The following MCF2 variants were observed in gnomAD, a reference collection of about 807,000 sequenced individuals.
MCF2 encodes the protein proto-oncogene DBL.
Under a neutral mutation model 82.5 loss-of-function variants are expected in MCF2, and 44 were observed. That is an observed-to-expected ratio of 0.53 (90% CI 0.42 to 0.69). MCF2 has a LOEUF of 0.69. Among genes scored for constraint, MCF2 ranks in the 30% least tolerant of loss-of-function variants. The pLI is 0.00. For synonymous variants in MCF2, 217 were observed against 224.9 expected (o/e 0.96, Z 0.32); for missense variants, 623 against 663.1 (o/e 0.94, Z 0.66).
At chrX:139,601,815 G>T (rs1930574212) in intron 16 of MCF2, among the ~76,000 whole-genome samples, 2 of 110,981 alleles carry the variant, frequency 1.8e-5, no homozygotes, top group Admixed American at 1.9e-4. Flanking sequence ...GAAATTCAGA[G>T]AAAATAGAAT....
At chrX:139,692,988 A>G (rs748270914) in intron 1 of MCF2, among the ~76,000 whole-genome samples, 1 of 112,086 alleles carries the variant, frequency 8.9e-6, no homozygotes, top group African/African-American at 3.2e-5. Flanking sequence ...CGCTTTAGAG[A>G]GGACACGAGA....
intron 1 of MCF2, among the ~76,000 whole-genome samples, chrX:139,636,184 G>A (rs1434734045): frequency 9.0e-6 from 1 of 110,900 alleles, no homozygotes; most frequent in African/African-American, 3.3e-5. Flanking sequence ...AATCTGACAG[G>A]GACTTGTGGG....
intron 1 of MCF2, among the ~76,000 whole-genome samples, chrX:139,639,305 T>TA (rs1177319179): frequency 1.8e-5 from 2 of 112,071 alleles, no homozygotes; most frequent in Non-Finnish European, 3.8e-5. Flanking sequence ...TTTGCTTTTT[T>TA]AAAAAAATAG....
intron 1 of MCF2, among the ~76,000 whole-genome samples, chrX:139,658,609 G>C (rs1338561189): frequency 9.2e-6 from 1 of 108,776 alleles, no homozygotes; most frequent in Admixed American, 9.8e-5. Flanking sequence ...TACAAATAGA[G>C]GGTCAAAATT....
intron 1 of MCF2, among the ~76,000 whole-genome samples, chrX:139,635,102 T>TA (rs1933126501): frequency 9.0e-6 from 1 of 110,815 alleles, no homozygotes; most frequent in Non-Finnish European, 1.9e-5. Flanking sequence ...AAAACATAAG[T>TA]ATGAACATTT....
chrX:139,673,783 G>T (rs2148556096), intron 1 of MCF2, among the ~76,000 whole-genome samples: 1 of 112,020 alleles, frequency 8.9e-6, no homozygotes, highest in East Asian at 2.8e-4. Context: ...TGTGAAGAAT[G>T]TATATTCTGT....
intron 9 of MCF2, among the ~76,000 whole-genome samples, chrX:139,615,581 A>AATCACT (rs1931836196): frequency 8.9e-6 from 1 of 111,789 alleles, no homozygotes; most frequent in African/African-American, 3.2e-5. Flanking sequence ...GCTTCCAGAG[A>AATCACT]ATCACTTGGC....
intron 1 of MCF2, among the ~76,000 whole-genome samples, chrX:139,689,696 A>T (rs974469441): frequency 1.9e-5 from 2 of 107,906 alleles, no homozygotes; most frequent in East Asian, 5.9e-4. Flanking sequence ...TATCCCTACC[A>T]CGTTCAATCC....
At chrX:139,645,806 T>C, upstream of MCF2, 1 of 431,172 alleles carries the variant, frequency 2.3e-6, no homozygotes, top group Non-Finnish European at 4.1e-6. Context: ...CAAAGTCCTA[T>C]CTTAGAAAAC....
Position 139,615,053 on chromosome X carries a change from C to A in MCF2, c.1192-1G>T, listed in dbSNP as rs1231074946. 8.4e-7 allele frequency: 1 copy of A among 1,190,328 alleles called. No individual in the cohort carries two copies. Among genetic ancestry groups the A allele is most frequent in the East Asian group, 3.0e-5 (1 of 33,647 alleles). The stretch of plus-strand genomic sequence containing the variant: ...TGAGTTGTATAGTCTTCATTTGAAC[C>A]TGCGAGTTGTATAAGAATTATAGGA... On this transcript the variant is annotated splice_acceptor_variant, in intron 9 of 24. Coordinates refer to ENST00000370576, the Ensembl canonical transcript of MCF2. LOFTEE classifies it high-confidence loss of function.
At chrX:139,594,960 A>C (rs1233339984) in intron 19 of MCF2, among the ~76,000 whole-genome samples, 1 of 111,430 alleles carries the variant, frequency 9.0e-6, no homozygotes, top group African/African-American at 3.3e-5. Context: ...TATGCAGCCA[A>C]AAAACACATG....
At chrX:139,670,545 G>A (rs61266704) in intron 1 of MCF2, among the ~76,000 whole-genome samples, 18,782 of 109,335 alleles carry the variant, frequency 0.17, 1,248 homozygotes, top group South Asian at 0.26. Flanking sequence ...TCCCACCTAT[G>A]GGTCAGAACA....
At chrX:139,701,492 C>T (rs1161641522) in intron 1 of MCF2, among the ~76,000 whole-genome samples, 1 of 112,162 alleles carries the variant, frequency 8.9e-6, no homozygotes, top group Non-Finnish European at 1.9e-5. Flanking sequence ...TAAAATTTCC[C>T]TGAAGGAGAA....
rs760043795 is a variant in MCF2, at chrX:139,607,755, C to T, written c.1426G>A (p.Glu476Lys). The change falls in exon 12 of 25, where the codon GAG (glutamate) becomes AAG (lysine). Residue 476 changes from glutamate (E) to lysine (K), a missense_variant. Physicochemically the swap from Glu to Lys is moderately conservative, Grantham distance 56. Coordinates refer to ENST00000370576, the Ensembl canonical transcript of MCF2. The stretch of plus-strand genomic sequence containing the variant: ...GAGGATGGACCAGAACTTCTCTTCT[C>T]CTGACAATCAGGCACCACTTCAATC... 3 of 1,202,410 alleles carry T rather than the reference C, an allele frequency of 2.5e-6. No individual in the cohort carries two copies. Among genetic ancestry groups the T allele is most frequent in the Admixed American group, 4.4e-5 (2 of 45,785 alleles).
chrX:139,624,596 T>C (rs1346115052), intron 6 of MCF2, among the ~76,000 whole-genome samples: 1 of 109,070 alleles, frequency 9.2e-6, no homozygotes, highest in Non-Finnish European at 1.9e-5. Context: ...AGAAAGGCTG[T>C]GGAAATGTTC....
intron 17 of MCF2, among the ~76,000 whole-genome samples, 182 bp from the exon 22 acceptor site, chrX:139,597,767 G>T (rs1233041816): frequency 9.0e-6 from 1 of 111,369 alleles, no homozygotes; most frequent in East Asian, 2.8e-4. Flanking sequence ...AGAGGAAGTA[G>T]AATAGTGACT....
chrX:139,660,212 G>A (rs1182923052), intron 1 of MCF2, among the ~76,000 whole-genome samples: 1 of 111,723 alleles, frequency 9.0e-6, no homozygotes, highest in African/African-American at 3.3e-5. Flanking sequence ...TCTAAAATCT[G>A]TACTCAGAAG....
rs776169701 is a variant in MCF2, at chrX:139,593,108, T to C, written c.2278-3181A>G. Reference sequence around the variant, plus strand: ...TTGAAATTTTTTGTGACAAATGTTATATTGGTTTTAGAATTTAAAATTCAA... The same window carrying C: ...TTGAAATTTTTTGTGACAAATGTTACATTGGTTTTAGAATTTAAAATTCAA... On this transcript the variant is annotated intron_variant, in intron 19 of 24. Coordinates refer to ENST00000370576, the Ensembl canonical transcript of MCF2. Among the ~76,000 whole-genome samples, 4 of 112,135 alleles carry C rather than the reference T, an allele frequency of 3.6e-5. No homozygotes were observed. The South Asian group carries it at 1.5e-3, about 42-fold the overall frequency.
intron 1 of MCF2, among the ~76,000 whole-genome samples, chrX:139,660,313 A>G (rs147815078): frequency 0.025 from 2,801 of 112,382 alleles, 98 homozygotes; most frequent in African/African-American, 0.085. Context: ...ATCCCAAACT[A>G]TATCAAGAAT....
Sources: gnomAD v4.1 joint callset for allele counts (sites outside exome capture counted in the v4.1 genomes callset) on GRCh38, gnomAD v4.1.1 for gene constraint, MANE v1.5 for transcripts, NCBI Gene and HGNC (gene_info 2026-07-23, HGNC 2026-07-21) for gene names.